The following DAPP1 variants were observed in gnomAD, a reference collection of about 807,000 sequenced individuals.
The protein encoded by DAPP1 is dual adapter for phosphotyrosine and 3-phosphotyrosine and 3-phosphoinositide.
DAPP1 carries 20 observed loss-of-function variants against 41.5 expected under a neutral mutation model. The ratio of observed to expected loss-of-function variants is 0.48; its 90% CI spans 0.34 to 0.70. DAPP1 has a LOEUF of 0.70. Among genes scored for constraint, DAPP1 ranks in the 30% least tolerant of loss-of-function variants. The pLI is 0.01. For missense variants in DAPP1, 233 were observed against 333.4 expected (o/e 0.70, Z 2.35); for synonymous variants, 113 against 116.2 (o/e 0.97, Z 0.18).
intron 5 of DAPP1, among the ~76,000 whole-genome samples, chr4:99,862,739 A>C (rs1183461895): frequency 1.0e-3 from 4 of 3,820 alleles, no homozygotes; most frequent in Non-Finnish European, 2.4e-3. Flanking sequence ...AGCTTAATGC[A>C]TGAAATTAAT....
Position 99,845,373 on chromosome 4 carries a change from T to C in DAPP1, c.358+4951T>C, listed in dbSNP as rs3822104. Among the ~76,000 whole-genome samples, 132 of 152,314 alleles carry C rather than the reference T, an allele frequency of 8.7e-4. 1 individual carries two copies. In the East Asian group the frequency reaches 0.021, roughly 24 times the overall value. On this transcript the variant is annotated intron_variant, in intron 3 of 8. Transcript: ENST00000512369. ...GATTTGGAAGAACTCAGAGCTGAGA[T>C]TGGAATCTGGGCTAACCTGGTCCTG...
At chr4:99,822,068 G>A (rs1722791512) in intron 1 of DAPP1, among the ~76,000 whole-genome samples, 1 of 152,170 alleles carries the variant, frequency 6.6e-6, no homozygotes, top group Non-Finnish European at 1.5e-5. Flanking sequence ...AAAACGGAAG[G>A]TGGTTCTTCT....
intron 1 of DAPP1, among the ~76,000 whole-genome samples, chr4:99,830,552 C>G (rs1054492150): frequency 6.6e-6 from 1 of 152,138 alleles, no homozygotes; most frequent in Non-Finnish European, 1.5e-5. Flanking sequence ...CAATATCCTC[C>G]ACCTTCATCT....
At chr4:99,834,391 A>ATT (rs1018060738) in intron 1 of DAPP1, among the ~76,000 whole-genome samples, 3 of 146,624 alleles carry the variant, frequency 2.0e-5, no homozygotes, top group Non-Finnish European at 3.0e-5. Flanking sequence ...GACAATTTGA[A>ATT]TTTTTTTTTT....
intron 1 of DAPP1, among the ~76,000 whole-genome samples, chr4:99,826,655 T>C (rs1722947786): frequency 6.6e-6 from 1 of 152,216 alleles, no homozygotes. Context: ...TTTGCACCAC[T>C]TCCCAACAGG....
rs752181928 is a variant in DAPP1 at position 99,853,298 on chromosome 4, G to A, written c.439G>A (p.Ala147Thr). 6.2e-7 allele frequency: 1 copy of A among 1,612,912 alleles called. No homozygotes were observed. Among genetic ancestry groups the A allele is most frequent in the African/African-American group, 1.3e-5 (1 of 75,040 alleles). The change falls in exon 4 of 9, where the codon GCA (alanine) becomes ACA (threonine). Residue 147 changes from alanine (A) to threonine (T), a missense_variant. Transcript: ENST00000512369. ...TTATGAATCTGTCCGGGTTCACACA[G>A]CAATGCAGACAGGAAGAACAGAAGA... ...SIYESVRVHTAMQTGRTEDDL... is the reference protein window; with the variant it reads ...SIYESVRVHTTMQTGRTEDDL...
intron 6 of DAPP1, 50 bp from the exon 7 acceptor site, chr4:99,863,720 T>C (rs939042243): frequency 1.4e-6 from 1 of 735,634 alleles, no homozygotes. Context: ...ATTTGTCTGT[T>C]TTTTTTTTTT....
intron 4 of DAPP1, 146 bp from the exon 5 acceptor site, chr4:99,861,432 G>C (rs1724232707): frequency 1.2e-6 from 1 of 813,146 alleles, no homozygotes; most frequent in Non-Finnish European, 2.0e-6. Context: ...ACACATGGAA[G>C]CTTTTCAAGT....
In DAPP1 at chr4:99,863,732, T is replaced by TG; in HGVS notation, c.601-38_601-37insG. The TG allele has an allele frequency of 2.3e-6, 3 of 1,288,304 alleles. No homozygotes were observed. In the South Asian group the frequency reaches 4.1e-5, roughly 18 times the overall value. The allele number at this position is 1,288,304 out of a possible 1,614,324, so 79.8% of individuals were successfully genotyped here. On this transcript the variant is annotated intron_variant, in intron 6 of 8. Transcript: ENST00000512369. ...CAGATTTGTCTGTTTTTTTTTTTTT[T>TG]TTTAATGGTGACATACGTTGCTTTT...
intron 5 of DAPP1, among the ~76,000 whole-genome samples, chr4:99,862,206 C>T (rs1318131931): frequency 6.6e-6 from 1 of 152,170 alleles, no homozygotes; most frequent in Non-Finnish European, 1.5e-5. Flanking sequence ...CTCTCACAGA[C>T]ACTGACATGC....
intron 1 of DAPP1, among the ~76,000 whole-genome samples, chr4:99,824,823 T>C (rs1444474171): frequency 6.6e-6 from 1 of 152,172 alleles, no homozygotes; most frequent in Non-Finnish European, 1.5e-5. Context: ...CCAATCCAAA[T>C]AAAATGTTCC....
Position 99,833,043 on chromosome 4 carries a change from C to T in DAPP1, c.102-2580C>T, listed in dbSNP as rs1723177879. Reference sequence around the variant, plus strand: ...GCTTTAAATAAACAATCTGCTGGCTCGAACTGAAACTTATGCTGAAATGTT... The same window carrying T: ...GCTTTAAATAAACAATCTGCTGGCTTGAACTGAAACTTATGCTGAAATGTT... On this transcript the variant is annotated intron_variant, in intron 1 of 8. Transcript: ENST00000512369. Among the ~76,000 whole-genome samples the T allele has an allele frequency of 1.3e-5, 2 of 152,262 alleles. 1 individual carries two copies. The highest frequency in any genetic ancestry group is 2.9e-5 in the Non-Finnish European group (2 of 68,020).
At chr4:99,831,001 A>C (rs1723102557) in intron 1 of DAPP1, among the ~76,000 whole-genome samples, 1 of 152,242 alleles carries the variant, frequency 6.6e-6, no homozygotes, top group African/African-American at 2.4e-5. Flanking sequence ...AAGCTAAATT[A>C]GAAAAATCTG....
At chr4:99,865,945 T>TATAATA (rs1293646629) in intron 7 of DAPP1, 89 bp from the exon 8 acceptor site, 1 of 88,854 alleles carries the variant, frequency 1.1e-5, no homozygotes, top group African/African-American at 5.2e-5. Flanking sequence ...ATATATTATA[T>TATAATA]TATATATTAT....
Position 99,818,261 on chromosome 4 carries a change from C to T in DAPP1, c.101+1247C>T, listed in dbSNP as rs143837920. Among the ~76,000 whole-genome samples the T allele has an allele frequency of 5.6e-3, 855 of 152,116 alleles. 7 individuals are homozygous for T. The highest frequency in any genetic ancestry group is 0.019 in the African/African-American group (768 of 41,490). ...TCTCTCTATCCCTCTAGATTGAATCCCCAAACAGAAGAGGTAAAAGGCCCT... is the reference window on the plus strand; with the variant it reads ...TCTCTCTATCCCTCTAGATTGAATCTCCAAACAGAAGAGGTAAAAGGCCCT... On this transcript the variant is annotated intron_variant, in intron 1 of 8. Coordinates refer to ENST00000512369, the MANE Select transcript of DAPP1 (RefSeq NM_014395.3).
At chr4:99,819,361 T>C (rs1722692407) in intron 1 of DAPP1, among the ~76,000 whole-genome samples, 1 of 152,168 alleles carries the variant, frequency 6.6e-6, no homozygotes, top group South Asian at 2.1e-4. Context: ...CTGGTATAAA[T>C]ACTCCCACTA....
In DAPP1 at chr4:99,850,806, G is replaced by A. The variant is rs565685394; in HGVS notation, c.359-2412G>A. Reference sequence around the variant, plus strand: ...ATGCAATCATTCAAATTTTATTTAAGGATTTAAAAATATTCTGTCAAAGAA... The same window carrying A: ...ATGCAATCATTCAAATTTTATTTAAAGATTTAAAAATATTCTGTCAAAGAA... On this transcript the variant is annotated intron_variant, in intron 3 of 8. Coordinates refer to ENST00000512369, the MANE Select transcript of DAPP1 (RefSeq NM_014395.3). Among the ~76,000 whole-genome samples the A allele has an allele frequency of 2.6e-5, 4 of 151,776 alleles. No homozygotes were observed. In the South Asian group the frequency reaches 8.3e-4, roughly 32 times the overall value.
At chr4:99,863,684 T>C (rs1724318613) in intron 6 of DAPP1, 86 bp from the exon 7 acceptor site, 1 of 865,514 alleles carries the variant, frequency 1.2e-6, no homozygotes, top group African/African-American at 1.8e-5. Flanking sequence ...AGTGGAAAAC[T>C]TGTGAGGGGA....
At chr4:99,852,301 A>G (rs1250900442) in intron 3 of DAPP1, among the ~76,000 whole-genome samples, 1 of 152,216 alleles carries the variant, frequency 6.6e-6, no homozygotes, top group Admixed American at 6.5e-5. Flanking sequence ...TTGCTATAGA[A>G]AAGACCCTAG....
Sources: allele counts gnomAD v4.1 joint callset (sites outside exome capture counted in the v4.1 genomes callset), GRCh38; gene constraint gnomAD v4.1.1; transcripts MANE v1.5; gene names NCBI Gene and HGNC (gene_info 2026-07-23, HGNC 2026-07-21).